BICRAL: variants seen among roughly 807,000 people sequenced by gnomAD.
BICRAL encodes BRD4-interacting chromatin-remodeling complex-associated protein-like.
A neutral mutation model predicts 91.8 loss-of-function variants in BICRAL; 8 were observed. The ratio of observed to expected loss-of-function variants is 0.09; its 90% CI spans 0.05 to 0.16. BICRAL has a LOEUF of 0.16. BICRAL is among the 10% of genes least tolerant of loss of function. The pLI is 1.00. For missense variants in BICRAL, 1,038 were observed against 1,310.9 expected (o/e 0.79, Z 3.21); for synonymous variants, 445 against 491.1 (o/e 0.91, Z 1.24).
At chr6:42,856,188 G>T (rs753725641) in intron 9 of BICRAL, among the ~76,000 whole-genome samples, 2 of 151,340 alleles carry the variant, frequency 1.3e-5, no homozygotes, top group Non-Finnish European at 3.0e-5. Context: ...GTGGTGGTAC[G>T]GGCCTGTAGT....
chr6:42,795,162 T>A (rs1444125317), intron 1 of BICRAL, among the ~76,000 whole-genome samples: 3 of 152,186 alleles, frequency 2.0e-5, no homozygotes, highest in African/African-American at 4.8e-5. Flanking sequence ...TCGGGTGCGG[T>A]GGCTCACACC....
chr6:42,840,624 C>A (rs1764765779), intron 6 of BICRAL, among the ~76,000 whole-genome samples: 1 of 151,990 alleles, frequency 6.6e-6, no homozygotes, highest in Non-Finnish European at 1.5e-5. Context: ...CCAACCTCCA[C>A]CTCCCAGTTC....
At position 42,864,818 on chromosome 6, in the gene BICRAL, A is replaced by G. The variant is rs1765659409; in HGVS notation, c.2612A>G (p.Glu871Gly). The G allele has an allele frequency of 1.2e-6, 2 of 1,614,100 alleles. No homozygotes were observed. The highest frequency in any genetic ancestry group is 1.7e-6 in the Non-Finnish European group (2 of 1,180,046). The change falls in exon 13 of 13, where the codon GAA becomes GGA. Residue 871 changes from glutamate to glycine, a missense_variant. Physicochemically the swap from Glu to Gly is moderately conservative, Grantham distance 98. Around this residue, in one of 5 missense-constraint regions of BICRAL, gnomAD observed 294 missense variants for 292.6 expected, o/e 1.00. Transcript: ENST00000314073. The stretch of plus-strand genomic sequence containing the variant: ...GACCGAGCCAAAACCGGTGTGACGG[A>G]ACCCATGAATCATGACCAGTTTCAT... ...GRDRAKTGVT[E>G]PMNHDQFHLV...
chr6:42,819,511 C>T (rs1346009914), intron 2 of BICRAL, among the ~76,000 whole-genome samples: 5 of 152,068 alleles, frequency 3.3e-5, no homozygotes, highest in Non-Finnish European at 5.9e-5. Context: ...ATCTCGAACT[C>T]CTGACCTCAG....
At chr6:42,766,422 C>T (rs943320867) in intron 1 of BICRAL, among the ~76,000 whole-genome samples, 6 of 152,166 alleles carry the variant, frequency 3.9e-5, no homozygotes, top group Admixed American at 6.6e-5. Context: ...TGGATTGACC[C>T]ACATGCCTTA....
intron 1 of BICRAL, among the ~76,000 whole-genome samples, chr6:42,790,330 ATTTTTT>A (rs70990136): frequency 5.5e-4 from 48 of 87,820 alleles, no homozygotes; most frequent in East Asian, 5.1e-3. Context: ...AGATAATTTA[ATTTTTT>A]TTTTTTTTTT....
chr6:42,850,681 C>T (rs952430198), intron 6 of BICRAL, among the ~76,000 whole-genome samples: 3 of 151,532 alleles, frequency 2.0e-5, no homozygotes, highest in East Asian at 3.9e-4. Flanking sequence ...GTCAGGAGTT[C>T]GAGACCATCC....
intron 1 of BICRAL, among the ~76,000 whole-genome samples, chr6:42,809,322 C>T (rs1024622994): frequency 3.9e-5 from 6 of 152,092 alleles, no homozygotes; most frequent in South Asian, 2.1e-4. Flanking sequence ...TCATTCCTAC[C>T]TCAAGTAGGA....
At chr6:42,801,249 T>TTTTTAA in intron 1 of BICRAL, among the ~76,000 whole-genome samples, 1 of 134,486 alleles carries the variant, frequency 7.4e-6, no homozygotes. Flanking sequence ...AGACTCTGTT[T>TTTTTAA]AAAAAAAAAA....
At chr6:42,782,891 C>T (rs1027823683) in intron 1 of BICRAL, among the ~76,000 whole-genome samples, 6 of 151,924 alleles carry the variant, frequency 3.9e-5, no homozygotes, top group African/African-American at 1.5e-4. Context: ...CTGTTTTCCC[C>T]CCCTCGTTTC....
Position 42,866,742 on chromosome 6 carries a change from T to C in BICRAL, c.*1296T>C. ...TGTGTTCATATTAGTGAGCATGGCT[T>C]ACTGCTTTATTTATTTTTATTTCTT... On this transcript the variant is annotated 3_prime_UTR_variant, in exon 13 of 13. Transcript: ENST00000314073. The C allele has an allele frequency of 2.2e-6, 1 of 454,482 alleles. No individual in the cohort carries two copies. The highest frequency in any genetic ancestry group is 4.4e-6 in the Non-Finnish European group (1 of 225,872). 28.2% of individuals were successfully genotyped at this position (454,482 alleles called of 1,614,324 possible).
At chr6:42,843,800 CTTTTT>C (rs55723359) in intron 6 of BICRAL, among the ~76,000 whole-genome samples, 7 of 102,118 alleles carry the variant, frequency 6.9e-5, no homozygotes, top group Admixed American at 2.1e-4. Flanking sequence ...TAAATTTCTT[CTTTTT>C]TTTTTTTTTT....
chr6:42,773,056 A>G (rs1169626948), intron 1 of BICRAL, among the ~76,000 whole-genome samples: 1 of 152,050 alleles, frequency 6.6e-6, no homozygotes, highest in Non-Finnish European at 1.5e-5. Context: ...TCTTCACAGA[A>G]GAAGGGGAGA....
upstream of BICRAL, among the ~76,000 whole-genome samples, chr6:42,746,550 A>G (rs1309926491): frequency 6.6e-6 from 1 of 151,750 alleles, no homozygotes; most frequent in Non-Finnish European, 1.5e-5. Flanking sequence ...GTGGTGAGAA[A>G]GATGGAGCGG....
intron 1 of BICRAL, among the ~76,000 whole-genome samples, chr6:42,750,152 C>T (rs139200727): frequency 2.0e-5 from 3 of 152,008 alleles, no homozygotes; most frequent in East Asian, 1.9e-4. Context: ...TGTGAGCCAC[C>T]GTGCCTGGGC....
intron 1 of BICRAL, among the ~76,000 whole-genome samples, chr6:42,785,052 A>G (rs1293811950): frequency 2.0e-5 from 3 of 152,196 alleles, no homozygotes; most frequent in Non-Finnish European, 4.4e-5. Flanking sequence ...TTTTTTGCTC[A>G]CATTAGTCTC....
At chr6:42,795,813 T>C (rs1763400940) in intron 1 of BICRAL, among the ~76,000 whole-genome samples, 1 of 152,248 alleles carries the variant, frequency 6.6e-6, no homozygotes, top group Admixed American at 6.5e-5. Context: ...TGAAAATTAT[T>C]ACCATAACTA....
chr6:42,830,655 G>A (rs924986075), intron 6 of BICRAL, among the ~76,000 whole-genome samples: 10 of 151,902 alleles, frequency 6.6e-5, no homozygotes, highest in Admixed American at 1.3e-4. Context: ...TCACTTTGTC[G>A]CCTAGGCTGG....
intron 5 of BICRAL, among the ~76,000 whole-genome samples, chr6:42,826,032 C>T (rs1294120391): frequency 6.6e-6 from 1 of 151,534 alleles, no homozygotes; most frequent in African/African-American, 2.4e-5. Context: ...TGCAGTGAGT[C>T]GAGATCGGGC....
Sources: allele counts gnomAD v4.1 joint callset (sites outside exome capture counted in the v4.1 genomes callset), GRCh38; gene constraint gnomAD v4.1.1; regional missense constraint gnomAD v4.1.1; transcripts MANE v1.5; gene names NCBI Gene and HGNC (gene_info 2026-07-23, HGNC 2026-07-21).